CDH23: variants seen among roughly 807,000 people sequenced by gnomAD.
The protein encoded by CDH23 is cadherin-23.
CDH23 carries 189 observed loss-of-function variants against 317.1 expected under a neutral mutation model. The ratio of observed to expected loss-of-function variants is 0.60; its 90% CI spans 0.53 to 0.67. The LOEUF (loss-of-function observed/expected upper bound fraction) is 0.67. CDH23 is among the 30% of genes least tolerant of loss of function. The pLI is 0.00. For missense variants in CDH23, 4,401 were observed against 4,592.4 expected, an observed-to-expected ratio of 0.96 and a Z score of 1.20; for synonymous variants, 1,839 against 1,876.8, an observed-to-expected ratio of 0.98 and a Z score of 0.52.
At chr10:71,731,303 G>A (rs2132822605) in intron 31 of CDH23, among the ~76,000 whole-genome samples, 1 of 152,336 alleles carries the variant, frequency 6.6e-6, no homozygotes, top group East Asian at 1.9e-4. Context: ...CTACTCTGGT[G>A]GCTCCCAACT....
In CDH23 at chr10:71,571,374, C is replaced by T. The variant is rs568713712; in HGVS notation, c.753+456C>T. On this transcript the variant is annotated intron_variant, in intron 8 of 69. Coordinates refer to ENST00000224721, the MANE Select transcript of CDH23 (RefSeq NM_022124.6). Reference sequence around the variant, plus strand: ...CCTTCTTCAAGGGTCCTCTTGGCCCCGGCTCTTCCCTGCGAGCTTGCAGCT... The same window carrying T: ...CCTTCTTCAAGGGTCCTCTTGGCCCTGGCTCTTCCCTGCGAGCTTGCAGCT... Among the ~76,000 whole-genome samples the T allele has an allele frequency of 1.6e-4, 24 of 152,326 alleles. 1 individual carries two copies. In the East Asian group the frequency reaches 2.5e-3, roughly 16 times the overall value.
intron 6 of CDH23, among the ~76,000 whole-genome samples, chr10:71,546,570 C>T (rs1007190204): frequency 6.6e-6 from 1 of 152,218 alleles, no homozygotes; most frequent in East Asian, 1.9e-4. Flanking sequence ...GGGACTGAAA[C>T]ATGCATAGGA....
At chr10:71,596,899 C>A (rs1859887539) in intron 9 of CDH23, among the ~76,000 whole-genome samples, 1 of 152,152 alleles carries the variant, frequency 6.6e-6, no homozygotes. Context: ...CCGGTCCCCA[C>A]CTCCCCGCTG....
intron 1 of CDH23, among the ~76,000 whole-genome samples, chr10:71,426,507 A>T (rs1849085062): frequency 1.3e-5 from 2 of 151,726 alleles, no homozygotes. Context: ...GTGAGGCAGG[A>T]GGGGGCTAGG....
At chr10:71,693,545 G>GAC (rs1276261601) in intron 20 of CDH23, among the ~76,000 whole-genome samples, 2 of 152,196 alleles carry the variant, frequency 1.3e-5, no homozygotes, top group Non-Finnish European at 2.9e-5. Context: ...GTCCAGTAAT[G>GAC]AGTCACAAGT....
chr10:71,455,172 A>C (rs1207866852), intron 3 of CDH23, among the ~76,000 whole-genome samples: 1 of 152,092 alleles, frequency 6.6e-6, no homozygotes, highest in Non-Finnish European at 1.5e-5. Context: ...TTTTACTTTG[A>C]AATAATTTTA....
In CDH23 at chr10:71,694,273, C is replaced by T. The variant is rs919911135; in HGVS notation, c.2289+14C>T. ...GGCATCGCCACCGTGAGTGCGCTCCCCTCCCGTGCCCCAGCTCCCCCTCGC... is the reference window on the plus strand; with the variant it reads ...GGCATCGCCACCGTGAGTGCGCTCCTCTCCCGTGCCCCAGCTCCCCCTCGC... On this transcript the variant is annotated intron_variant, in intron 21 of 69. Transcript: ENST00000224721. The T allele has an allele frequency of 5.0e-6, 8 of 1,594,114 alleles. No homozygotes were observed. The highest frequency in any genetic ancestry group is 2.7e-5 in the African/African-American group (2 of 74,534).
rs374955091 is a variant in CDH23, at chr10:71,690,579, G to T, written c.2171G>T (p.Arg724Leu). ...TCCACCCAGTTTCGGATCAATGCCCGCTCAGGTGAGCCCCCCCACCCCAAG... is the reference window on the plus strand; with the variant it reads ...TCCACCCAGTTTCGGATCAATGCCCTCTCAGGTGAGCCCCCCCACCCCAAG... The part of the protein sequence containing the change: ...EGSTQFRINA[R>L]SGEITTTSLL... The change falls in exon 20 of 70, where the codon CGC becomes CTC. Residue 724 changes from arginine to leucine, a missense_variant. Transcript: ENST00000224721. The T allele has an allele frequency of 3.1e-6, 5 of 1,587,934 alleles. No homozygotes were observed. Among genetic ancestry groups the T allele is most frequent in the Non-Finnish European group, 3.4e-6 (4 of 1,165,896 alleles).
At chr10:71,442,594 T>TC (rs146214981) in intron 2 of CDH23, among the ~76,000 whole-genome samples, 10,272 of 152,126 alleles carry the variant, frequency 0.068, 1,053 homozygotes, top group African/African-American at 0.21. Flanking sequence ...CCTGCCCTTC[T>TC]CCCCTCTGGC....
chr10:71,777,318 G>T (rs1840836624), intron 38 of CDH23, among the ~76,000 whole-genome samples: 1 of 152,210 alleles, frequency 6.6e-6, no homozygotes, highest in African/African-American at 2.4e-5. Flanking sequence ...CTGAGCTGGG[G>T]TGACTACCAG....
intron 14 of CDH23, among the ~76,000 whole-genome samples, chr10:71,651,567 A>AAAAAC (rs1285919065): frequency 6.7e-6 from 1 of 149,676 alleles, no homozygotes; most frequent in African/African-American, 2.5e-5. Context: ...AAAAAAAAAA[A>AAAAAC]CCACTGGAGG....
intron 9 of CDH23, among the ~76,000 whole-genome samples, chr10:71,609,846 C>G (rs1164695942): frequency 3.3e-5 from 5 of 152,206 alleles, no homozygotes; most frequent in African/African-American, 9.7e-5. Context: ...TAGGCCACCT[C>G]CCCAGCTACC....
At chr10:71,420,885 C>T (rs959590860) in intron 1 of CDH23, among the ~76,000 whole-genome samples, 3 of 152,060 alleles carry the variant, frequency 2.0e-5, no homozygotes, top group Non-Finnish European at 2.9e-5. Context: ...AGGTACCCCC[C>T]GTCGCCTGGC....
chr10:71,648,274 G>A (rs148835810), intron 14 of CDH23, among the ~76,000 whole-genome samples: 208 of 152,312 alleles, frequency 1.4e-3, no homozygotes, highest in African/African-American at 4.8e-3. Context: ...CCCAGCCAGA[G>A]AGCAAGTGCC....
In CDH23 at chr10:71,400,433, G is replaced by A. The variant is rs542495588; in HGVS notation, c.-6+3115G>A. Among the ~76,000 whole-genome samples, 31 of 130,486 alleles carry A rather than the reference G, an allele frequency of 2.4e-4. No homozygotes were observed. In the East Asian group the frequency reaches 4.0e-3, roughly 17 times the overall value. 85.6% of individuals were successfully genotyped at this position (130,486 alleles called of 152,430 possible). A position where few individuals can be genotyped will look rare whatever the true frequency, so the allele number is the denominator to read the frequency against. Reference sequence around the variant, plus strand: ...ATGAGGAGGAACTATGGGAGACACAGTCATGGGCCTTACAAAGAGCGAGCT... The same window carrying A: ...ATGAGGAGGAACTATGGGAGACACAATCATGGGCCTTACAAAGAGCGAGCT... On this transcript the variant is annotated intron_variant, in intron 1 of 69. Transcript: ENST00000224721.
chr10:71,713,590 C>CA, intron 28 of CDH23: 1 of 396,560 alleles, frequency 2.5e-6, no homozygotes, highest in East Asian at 5.3e-5. Context: ...CCCAGAAACA[C>CA]AGAGAGCCCA....
intron 38 of CDH23, among the ~76,000 whole-genome samples, chr10:71,759,930 C>CACATATATATACACACACAT (rs1564779366): frequency 3.7e-4 from 20 of 54,520 alleles, no homozygotes; most frequent in Middle Eastern, 8.3e-3. Flanking sequence ...TACACACACA[C>CACATATATATACACACACAT]ATATATACAC....
intron 3 of CDH23, among the ~76,000 whole-genome samples, chr10:71,447,455 TG>T (rs1291478938): frequency 6.6e-6 from 1 of 151,910 alleles, no homozygotes; most frequent in Non-Finnish European, 1.5e-5. Context: ...CTCTTCCTGG[TG>T]GAGGTTTTTT....
At chr10:71,812,121 G>T (rs957937401) in intron 66 of CDH23, 106 bp downstream of exon 66, 1 of 1,605,514 alleles carries the variant, frequency 6.2e-7, no homozygotes. Context: ...AACCCAGGCT[G>T]TGGGCGCCCC....
Sources: gnomAD v4.1 joint callset for allele counts (sites outside exome capture counted in the v4.1 genomes callset) on GRCh38, gnomAD v4.1.1 for gene constraint, MANE v1.5 for transcripts, NCBI Gene and HGNC (gene_info 2026-07-23, HGNC 2026-07-21) for gene names.